The following SUCLA2 variants were observed in gnomAD, a reference collection of about 807,000 sequenced individuals.
The protein encoded by SUCLA2 is succinate-CoA ligase ADP-forming subunit beta, also known as succinate--CoA ligase [ADP-forming] subunit beta, mitochondrial.
In SUCLA2, 30 loss-of-function variants were observed where a neutral mutation model predicts 54.8. The ratio of observed to expected loss-of-function variants is 0.55; its 90% CI spans 0.41 to 0.74. The LOEUF is 0.74. Ranked by LOEUF, SUCLA2 falls within the 30% of genes least tolerant of loss-of-function variation. The pLI is 0.00. For missense variants in SUCLA2, 476 were observed against 562.9 expected (o/e 0.85, Z 1.56); for synonymous variants, 172 against 188.9 (o/e 0.91, Z 0.74).
At chr13:47,993,863 C>G (rs957837652) in intron 2 of SUCLA2, among the ~76,000 whole-genome samples, 1 of 151,966 alleles carries the variant, frequency 6.6e-6, no homozygotes, top group Admixed American at 6.6e-5. Flanking sequence ...TGGAGAAACC[C>G]TGTCTCTACT....
At chr13:47,956,436 T>C (rs145940593) in intron 6 of SUCLA2, among the ~76,000 whole-genome samples, 1 of 151,744 alleles carries the variant, frequency 6.6e-6, no homozygotes, top group African/African-American at 2.4e-5. Flanking sequence ...AATGTGAAAC[T>C]GGAAGAAAAG....
intron 5 of SUCLA2, among the ~76,000 whole-genome samples, chr13:47,972,946 T>C (rs1949980437): frequency 6.6e-6 from 1 of 151,700 alleles, no homozygotes; most frequent in Non-Finnish European, 1.5e-5. Flanking sequence ...AGACGGGGGT[T>C]TCACCATATT....
chr13:47,989,377 A>AT (rs949437460), intron 2 of SUCLA2, among the ~76,000 whole-genome samples: 10 of 151,736 alleles, frequency 6.6e-5, no homozygotes, highest in African/African-American at 2.4e-4. Flanking sequence ...TGCCTGGCTA[A>AT]TTTTTTTGTA....
At chr13:47,952,282 T>G (rs1949782481) in intron 8 of SUCLA2, among the ~76,000 whole-genome samples, 1 of 152,198 alleles carries the variant, frequency 6.6e-6, no homozygotes. Context: ...TGTTTTTCAT[T>G]TGGGTTTTCC....
At chr13:47,994,775 G>T in intron 2 of SUCLA2, 1 of 959,006 alleles carries the variant, frequency 1.0e-6, no homozygotes, top group Non-Finnish European at 1.2e-6. Context: ...TCTGTTCCAA[G>T]GGGCTCAAAA....
chr13:47,943,246 T>C lies in SUCLA2; in HGVS notation c.*125A>G, dbSNP rs757036833. 6 of 936,340 alleles carry C rather than the reference T, an allele frequency of 6.4e-6. No homozygotes were observed. Among genetic ancestry groups the C allele is most frequent in the East Asian group, 2.4e-5 (1 of 41,372 alleles). 58.0% of individuals were successfully genotyped at this position (936,340 alleles called of 1,614,324 possible). ...ATGCAGTCCAAATCCTTTTAAATGT[T>C]TGTGTGCCTAGATGGCAATTACAAT... is the stretch of plus-strand genomic sequence containing the variant. On this transcript the variant is annotated 3_prime_UTR_variant, in exon 11 of 11. Coordinates refer to ENST00000646932, the MANE Select transcript of SUCLA2 (RefSeq NM_003850.3).
At chr13:47,998,768 A>G (rs191400854) in intron 1 of SUCLA2, among the ~76,000 whole-genome samples, 1 of 152,338 alleles carries the variant, frequency 6.6e-6, no homozygotes, top group East Asian at 1.9e-4. Context: ...GAGAGAGGAC[A>G]TGAGAGCCTT....
intron 5 of SUCLA2, among the ~76,000 whole-genome samples, chr13:47,968,934 C>T (rs955395233): frequency 1.3e-5 from 2 of 152,054 alleles, no homozygotes; most frequent in African/African-American, 4.8e-5. Context: ...GATATTATGC[C>T]CATTTTATAG....
chr13:47,959,958 T>C (rs1386592410), intron 6 of SUCLA2, among the ~76,000 whole-genome samples: 1 of 152,198 alleles, frequency 6.6e-6, no homozygotes, highest in Non-Finnish European at 1.5e-5. Context: ...CTGGAGTATT[T>C]ACTGATCATG....
chr13:47,983,337 TGAA>T (rs1191301876), intron 4 of SUCLA2, among the ~76,000 whole-genome samples: 5 of 152,126 alleles, frequency 3.3e-5, no homozygotes, highest in African/African-American at 7.2e-5. Flanking sequence ...AAATTCTGAT[TGAA>T]GAAGAGGCGG....
At chr13:47,981,831 A>G (rs1950062603) in intron 4 of SUCLA2, among the ~76,000 whole-genome samples, 1 of 152,038 alleles carries the variant, frequency 6.6e-6, no homozygotes. Context: ...ACAAAAATAA[A>G]AAAATTAGCA....
chr13:47,970,942 A>C (rs1949957637), intron 5 of SUCLA2, among the ~76,000 whole-genome samples: 1 of 152,226 alleles, frequency 6.6e-6, no homozygotes, highest in Non-Finnish European at 1.5e-5. Context: ...GAAATGTTTA[A>C]GGAGAATGGT....
rs1478416984 is a variant in SUCLA2 at position 47,943,316 on chromosome 13, A to G, written c.*55T>C. 1.3e-6 allele frequency: 2 copies of G among 1,501,538 alleles called. No homozygotes were observed. The highest frequency in any genetic ancestry group is 1.9e-6 in the Non-Finnish European group (2 of 1,078,372). 93.0% of individuals were successfully genotyped at this position (1,501,538 alleles called of 1,614,324 possible). ...AAAGAACAATAACACAGAACACAGT[A>G]TTCTTAATGATTATAGCACATTTAA... On this transcript the variant is annotated 3_prime_UTR_variant, in exon 11 of 11. Coordinates refer to ENST00000646932, the MANE Select transcript of SUCLA2 (RefSeq NM_003850.3).
chr13:47,982,500 G>GA (rs11389505), intron 4 of SUCLA2, among the ~76,000 whole-genome samples: 140,590 of 151,030 alleles, frequency 0.93, 65,467 homozygotes, highest in East Asian at 0.99. Flanking sequence ...AAAAATTAAA[G>GA]AAAAAAAAAG....
intron 2 of SUCLA2, among the ~76,000 whole-genome samples, chr13:47,991,039 A>G (rs1950145691): frequency 6.6e-6 from 1 of 152,174 alleles, no homozygotes; most frequent in Non-Finnish European, 1.5e-5. Flanking sequence ...CTTCAAATTT[A>G]TCCAGAATCT....
intron 2 of SUCLA2, chr13:47,991,556 T>A (rs909541189): frequency 6.6e-6 from 1 of 152,236 alleles, no homozygotes; most frequent in African/African-American, 2.4e-5. Flanking sequence ...TATGTAATTC[T>A]CTTACATATA....
At chr13:47,968,793 T>A in intron 5 of SUCLA2, 60 bp from the exon 6 acceptor site, 2 of 1,565,484 alleles carry the variant, frequency 1.3e-6, no homozygotes. Flanking sequence ...AACATTACTA[T>A]AAATAAAAAG....
chr13:47,992,705 C>T (rs1360750217), intron 2 of SUCLA2, among the ~76,000 whole-genome samples: 1 of 152,188 alleles, frequency 6.6e-6, no homozygotes, highest in African/African-American at 2.4e-5. Flanking sequence ...TACCTTTAGT[C>T]ACTCACAAAC....
intron 10 of SUCLA2, among the ~76,000 whole-genome samples, chr13:47,944,728 T>C (rs576310317): frequency 6.6e-6 from 1 of 152,322 alleles, no homozygotes; most frequent in Admixed American, 6.5e-5. Context: ...TTCTTCTGTC[T>C]CCAAGCTAGA....
Sources: gnomAD v4.1 joint callset for allele counts (sites outside exome capture counted in the v4.1 genomes callset) on GRCh38, gnomAD v4.1.1 for gene constraint, MANE v1.5 for transcripts, NCBI Gene and HGNC (gene_info 2026-07-23, HGNC 2026-07-21) for gene names.